The following MGST1 variants were observed in gnomAD, a reference collection of about 807,000 sequenced individuals.
MGST1 encodes glutathione S-transferase 12.
In MGST1, 5 loss-of-function variants were observed where a neutral mutation model predicts 8.9. The observed-to-expected ratio is 0.56, with a 90% confidence interval of 0.29 to 1.19. MGST1 has a LOEUF of 1.19. Ranked by LOEUF, MGST1 falls within the 50% of genes most tolerant of loss-of-function variation. The pLI is 0.08. For synonymous variants in MGST1, 54 were observed against 67.8 expected, an observed-to-expected ratio of 0.80 and a Z score of 1.00; for missense variants, 182 against 187.4, an observed-to-expected ratio of 0.97 and a Z score of 0.17.
At chr12:16,491,719 A>G (rs1338910223) in intron 4 of MGST1, among the ~76,000 whole-genome samples, 2 of 152,228 alleles carry the variant, frequency 1.3e-5, no homozygotes, top group Non-Finnish European at 2.9e-5. Context: ...TCTTATAGAT[A>G]GAATTATGTT....
At chr12:16,570,402 A>AT (rs928544168) in intron 4 of MGST1, among the ~76,000 whole-genome samples, 9 of 151,464 alleles carry the variant, frequency 5.9e-5, no homozygotes, top group South Asian at 2.1e-4. Context: ...GTTTGAAAAT[A>AT]TTTTTTTTTA....
At position 16,389,577 on chromosome 12, in the gene MGST1, C is replaced by T. The variant is rs1940532367; in HGVS notation, n.778+5973C>T. On this transcript the variant is annotated intron_variant and non_coding_transcript_variant, in intron 1 of 1. Transcript: ENST00000359720. The surrounding 1 kb of genome is among the most constrained non-coding windows in gnomAD (Gnocchi z 4.6). Reference sequence around the variant, plus strand: ...GATAGCCAGTAGAAAAATGGGGTTTCCCTGGATTTCCTTGGTCTGGTAGGT... The same window carrying T: ...GATAGCCAGTAGAAAAATGGGGTTTTCCTGGATTTCCTTGGTCTGGTAGGT... 6.6e-6 allele frequency among the ~76,000 whole-genome samples: 1 copy of T among 152,058 alleles called. No individual in the cohort carries two copies. The highest frequency in any genetic ancestry group is 6.6e-5 in the Admixed American group (1 of 15,260).
In MGST1 at chr12:16,398,794, G is replaced by C. The variant is rs188839236; in HGVS notation, n.778+15190G>C. Among the ~76,000 whole-genome samples, 8 of 152,308 alleles carry C rather than the reference G, an allele frequency of 5.3e-5. No homozygotes were observed. The East Asian group carries it at 1.2e-3, about 22-fold the overall frequency. On this transcript the variant is annotated intron_variant and non_coding_transcript_variant, in intron 1 of 1. Transcript: ENST00000359720. The stretch of plus-strand genomic sequence containing the variant: ...ATCACAACAATCAGTAAATTTCCAA[G>C]AACCTTGAGTATTGCAAAGATAAAA...
chr12:16,450,319 C>T (rs1941118702), intron 4 of MGST1, among the ~76,000 whole-genome samples: 1 of 151,890 alleles, frequency 6.6e-6, no homozygotes, highest in Admixed American at 6.6e-5. Context: ...TCCCTGAGTG[C>T]CTGCCTCTCT....
At chr12:16,385,382 CTG>C (rs1940495650) in intron 1 of MGST1, among the ~76,000 whole-genome samples, 1 of 152,114 alleles carries the variant, frequency 6.6e-6, no homozygotes, top group Non-Finnish European at 1.5e-5. Context: ...AGGAAGAACT[CTG>C]AGGTTACATC....
rs1051279045 is a variant in MGST1 at position 16,410,861 on chromosome 12, C to T, written n.779-26527C>T. Among the ~76,000 whole-genome samples, 3 of 152,002 alleles carry T rather than the reference C, an allele frequency of 2.0e-5. No homozygotes were observed. The highest frequency in any genetic ancestry group is 4.1e-4 in the South Asian group (2 of 4,828). On this transcript the variant is annotated intron_variant and non_coding_transcript_variant, in intron 1 of 1. Coordinates refer to the MGST1 transcript ENST00000359720. This position sits in a 1 kb window ranked among gnomAD's most constrained non-coding sequence, Gnocchi z 4.4. ...ACTATTTGGTTTGACTCCATTTTTTCCCAAGATGTTCCAGAATCACTATTT... is the reference window on the plus strand; with the variant it reads ...ACTATTTGGTTTGACTCCATTTTTTTCCAAGATGTTCCAGAATCACTATTT...
In MGST1 at chr12:16,467,030, G is replaced by A. The variant is rs191341565; in HGVS notation, n.482+83426G>A. Among the ~76,000 whole-genome samples the A allele has an allele frequency of 3.7e-3, 569 of 151,854 alleles. 3 individuals carry two copies. Among genetic ancestry groups the A allele is most frequent in the African/African-American group, 0.012 (505 of 41,496 alleles). On this transcript the variant is annotated intron_variant and non_coding_transcript_variant, in intron 4 of 4. Coordinates refer to the MGST1 transcript ENST00000538857. The stretch of plus-strand genomic sequence containing the variant: ...TGTCTGCTATTAAAGTAAAAAGACA[G>A]GAAGCAGCACAGACAGTGTTCTTTT...
chr12:16,463,637 GT>G (rs545860017), intron 4 of MGST1, among the ~76,000 whole-genome samples: 194 of 146,748 alleles, frequency 1.3e-3, no homozygotes, highest in African/African-American at 3.6e-3. Flanking sequence ...GTGAGGCAGA[GT>G]TTTTTTTTTT....
intron 1 of MGST1, among the ~76,000 whole-genome samples, chr12:16,388,447 G>A (rs559824354): frequency 7.2e-5 from 11 of 152,142 alleles, no homozygotes; most frequent in South Asian, 4.2e-4. Context: ...CACCAGCATC[G>A]TCACGGAGCT....
At chr12:16,511,794 GAC>G (rs1941578844) in intron 4 of MGST1, among the ~76,000 whole-genome samples, 1 of 152,002 alleles carries the variant, frequency 6.6e-6, no homozygotes, top group Non-Finnish European at 1.5e-5. Flanking sequence ...ATTTCCTGAG[GAC>G]ACAGAGTCTG....
chr12:16,444,220 A>C (rs1418633320), intron 4 of MGST1, among the ~76,000 whole-genome samples: 3 of 57,656 alleles, frequency 5.2e-5, no homozygotes, highest in African/African-American at 2.1e-4. Flanking sequence ...TTGGATTTTT[A>C]GTGCACCTTC....
chr12:16,515,806 A>G (rs976578582), intron 4 of MGST1, among the ~76,000 whole-genome samples: 1 of 151,726 alleles, frequency 6.6e-6, no homozygotes, highest in African/African-American at 2.4e-5. Flanking sequence ...GACCAGTTGG[A>G]CCTCCTCCCT....
intron 1 of MGST1, among the ~76,000 whole-genome samples, chr12:16,429,795 T>C (rs1178375354): frequency 1.3e-5 from 2 of 152,176 alleles, no homozygotes; most frequent in Admixed American, 6.5e-5. Context: ...TTTACTTCAA[T>C]GTTGATGGCT....
chr12:16,360,438 C>T, intron 3 of MGST1: 1 of 874,292 alleles, frequency 1.1e-6, no homozygotes, highest in Non-Finnish European at 1.4e-6. Context: ...TAACTAAAAA[C>T]TTAAGGTAAT....
chr12:16,436,183 A>C (rs1940985472), intron 1 of MGST1, among the ~76,000 whole-genome samples: 2 of 152,112 alleles, frequency 1.3e-5, no homozygotes, highest in Admixed American at 6.6e-5. Context: ...TGATATTTGC[A>C]CTGAAGAAAT....
intron 1 of MGST1, among the ~76,000 whole-genome samples, chr12:16,406,589 AAG>A (rs1300034615): frequency 1.3e-5 from 2 of 152,248 alleles, no homozygotes; most frequent in Non-Finnish European, 2.9e-5. Flanking sequence ...GGAACCAAAA[AAG>A]AGCATGAATT....
At chr12:16,583,379 T>C (rs934743106) in intron 4 of MGST1, among the ~76,000 whole-genome samples, 2 of 152,106 alleles carry the variant, frequency 1.3e-5, no homozygotes, top group African/African-American at 4.8e-5. Flanking sequence ...TAAAGCATCT[T>C]TTTACAGAAC....
intron 1 of MGST1, among the ~76,000 whole-genome samples, chr12:16,420,223 T>G (rs1476661018): frequency 6.6e-6 from 1 of 152,166 alleles, no homozygotes; most frequent in Non-Finnish European, 1.5e-5. Flanking sequence ...ATAGCACAGA[T>G]CACATCATCA....
At chr12:16,591,145 C>A (rs1482200547), downstream of MGST1, among the ~76,000 whole-genome samples, 2 of 151,552 alleles carry the variant, frequency 1.3e-5, no homozygotes, top group African/African-American at 4.8e-5. This position sits in a 1 kb window ranked among gnomAD's most constrained non-coding sequence, Gnocchi z 4.1. Flanking sequence ...ATAGGTGGTA[C>A]CATAGACCTA....
Sources: allele counts gnomAD v4.1 joint callset (sites outside exome capture counted in the v4.1 genomes callset), GRCh38; gene constraint gnomAD v4.1.1; non-coding constraint Gnocchi (gnomAD v3.1); transcripts MANE v1.5; gene names NCBI Gene and HGNC (gene_info 2026-07-23, HGNC 2026-07-21).